CCSER1: variants seen among roughly 807,000 people sequenced by gnomAD.
The protein encoded by CCSER1 is serine-rich coiled-coil domain-containing protein 1.
In CCSER1, 41 loss-of-function variants were observed where a neutral mutation model predicts 82.0. That is an observed-to-expected ratio of 0.50 (90% CI 0.39 to 0.65). The LOEUF (loss-of-function observed/expected upper bound fraction) is 0.65. Among genes scored for constraint, CCSER1 ranks in the 30% least tolerant of loss-of-function variants. CCSER1 has a pLI of 0.00. For missense variants in CCSER1, 1,119 were observed against 1,064.2 expected (o/e 1.05, Z -0.72); for synonymous variants, 414 against 383.9 (o/e 1.08, Z -0.92).
At chr4:91,183,141 A>G (rs1348056809) in intron 10 of CCSER1, among the ~76,000 whole-genome samples, 2 of 152,238 alleles carry the variant, frequency 1.3e-5, no homozygotes, top group Non-Finnish European at 2.9e-5. Context: ...GCTGTTTGCA[A>G]TTCGGTAAAT....
intron 7 of CCSER1, among the ~76,000 whole-genome samples, chr4:90,726,116 A>G (rs1561023493): frequency 2.6e-5 from 4 of 151,964 alleles, no homozygotes; most frequent in Non-Finnish European, 5.9e-5. Flanking sequence ...TTCTTCTGGG[A>G]AGTAATTAGA....
intron 1 of CCSER1, among the ~76,000 whole-genome samples, chr4:90,205,396 G>T (rs1268109339): frequency 1.3e-5 from 2 of 152,130 alleles, no homozygotes; most frequent in Non-Finnish European, 2.9e-5. Flanking sequence ...AGAGTTTTTA[G>T]CATGAAGGGG....
chr4:90,747,266 G>C (rs1170234832), intron 7 of CCSER1, among the ~76,000 whole-genome samples: 2 of 152,156 alleles, frequency 1.3e-5, no homozygotes, highest in Non-Finnish European at 2.9e-5. Context: ...TAGAATGAAA[G>C]TTACCTGAAA....
In CCSER1 at chr4:90,836,488, C is replaced by T. The variant is rs567357477; in HGVS notation, c.2094+20643C>T. On this transcript the variant is annotated intron_variant, in intron 8 of 10. Transcript: ENST00000509176. ...TGGAGTTTCTGGTACATAATTAAGA[C>T]ATATGGACAAATTCCCAAATTCTAG... Among the ~76,000 whole-genome samples, 178 of 152,244 alleles carry T rather than the reference C, an allele frequency of 1.2e-3. 1 individual carries two copies. The highest frequency in any genetic ancestry group is 1.9e-3 in the Non-Finnish European group (132 of 68,022).
At chr4:91,373,759 C>T (rs1448099143) in intron 10 of CCSER1, among the ~76,000 whole-genome samples, 1 of 152,068 alleles carries the variant, frequency 6.6e-6, no homozygotes, top group Non-Finnish European at 1.5e-5. Flanking sequence ...GAAGAAGGCA[C>T]GTCAAAAGCT....
intron 7 of CCSER1, among the ~76,000 whole-genome samples, chr4:90,789,752 C>A (rs1754988708): frequency 6.6e-6 from 1 of 152,134 alleles, no homozygotes. Context: ...CTCCTCCTTG[C>A]CTTCTACCAT....
intron 7 of CCSER1, among the ~76,000 whole-genome samples, chr4:90,806,650 G>A (rs7666587): frequency 0.34 from 51,390 of 151,642 alleles, 8,863 homozygotes; most frequent in African/African-American, 0.41. Context: ...GCTCATCACT[G>A]GGTGATCTGA....
At chr4:90,974,633 A>G (rs1047686628) in intron 9 of CCSER1, among the ~76,000 whole-genome samples, 2 of 151,420 alleles carry the variant, frequency 1.3e-5, no homozygotes, top group African/African-American at 2.4e-5. Flanking sequence ...ACCTTTACCC[A>G]TTAGGGGTAT....
chr4:90,339,836 G>T (rs148565966), intron 3 of CCSER1, among the ~76,000 whole-genome samples: 1 of 151,360 alleles, frequency 6.6e-6, no homozygotes, highest in South Asian at 2.1e-4. Context: ...ATATATGTTT[G>T]CTTACTTATT....
At chr4:91,180,487 A>G (rs978548427) in intron 10 of CCSER1, among the ~76,000 whole-genome samples, 3 of 152,264 alleles carry the variant, frequency 2.0e-5, no homozygotes, top group East Asian at 3.9e-4. Flanking sequence ...CACTTTGTCT[A>G]CCTACTCAAG....
At chr4:90,225,764 T>A (rs1421135834) in intron 1 of CCSER1, among the ~76,000 whole-genome samples, 1 of 152,180 alleles carries the variant, frequency 6.6e-6, no homozygotes, top group African/African-American at 2.4e-5. Flanking sequence ...TCTCTTTTCA[T>A]TCCCTGGAGA....
intron 5 of CCSER1, among the ~76,000 whole-genome samples, chr4:90,570,559 C>A (rs1039972376): frequency 6.6e-6 from 1 of 152,124 alleles, no homozygotes; most frequent in Non-Finnish European, 1.5e-5. Flanking sequence ...TTGCATGCCT[C>A]CTGGTGACCT....
intron 5 of CCSER1, among the ~76,000 whole-genome samples, chr4:90,549,759 T>C (rs938689920): frequency 6.6e-6 from 1 of 151,936 alleles, no homozygotes; most frequent in Non-Finnish European, 1.5e-5. Flanking sequence ...CAGTATATCA[T>C]GAAGATGTTC....
intron 10 of CCSER1, among the ~76,000 whole-genome samples, chr4:91,389,706 G>A (rs1451531881): frequency 6.6e-6 from 1 of 151,752 alleles, no homozygotes; most frequent in Non-Finnish European, 1.5e-5. Context: ...TTTCTGTTCA[G>A]GAACAGAGAA....
chr4:90,190,030 TG>T (rs1735324770), intron 1 of CCSER1, among the ~76,000 whole-genome samples: 1 of 152,030 alleles, frequency 6.6e-6, no homozygotes, highest in African/African-American at 2.4e-5. Context: ...AAAGGTTTTC[TG>T]GCATAGTCAT....
At chr4:91,293,141 A>T (rs1743885761) in intron 10 of CCSER1, among the ~76,000 whole-genome samples, 1 of 151,984 alleles carries the variant, frequency 6.6e-6, no homozygotes, top group African/African-American at 2.4e-5. Flanking sequence ...AAATGCACTG[A>T]GATCAGATTT....
chr4:91,121,265 T>C (rs532348879), intron 10 of CCSER1, among the ~76,000 whole-genome samples: 2 of 151,894 alleles, frequency 1.3e-5, no homozygotes, highest in South Asian at 4.1e-4. Flanking sequence ...ATTAGTTTCA[T>C]AATGGCAAAA....
chr4:90,458,288 A>G (rs1023187218), intron 4 of CCSER1, among the ~76,000 whole-genome samples: 9 of 151,890 alleles, frequency 5.9e-5, no homozygotes, highest in African/African-American at 2.2e-4. Flanking sequence ...CACTGCAACC[A>G]GCATCTTCAC....
chr4:90,918,049 A>G (rs555520105), intron 8 of CCSER1, among the ~76,000 whole-genome samples: 2 of 152,058 alleles, frequency 1.3e-5, no homozygotes, highest in Non-Finnish European at 2.9e-5. Flanking sequence ...ATCTTTTGCC[A>G]AACTTTCTTT....
Sources: gnomAD v4.1 joint callset for allele counts (sites outside exome capture counted in the v4.1 genomes callset) on GRCh38, gnomAD v4.1.1 for gene constraint, MANE v1.5 for transcripts, NCBI Gene and HGNC (gene_info 2026-07-23, HGNC 2026-07-21) for gene names.